The following RFXANK variants were observed in gnomAD, a reference collection of about 807,000 sequenced individuals.
RFXANK encodes DNA-binding protein RFXANK.
A neutral mutation model predicts 34.5 loss-of-function variants in RFXANK; 19 were observed. That is an observed-to-expected ratio of 0.55 (90% CI 0.38 to 0.81). The LOEUF is 0.81. Ranked by LOEUF, RFXANK falls within the 30% of genes least tolerant of loss-of-function variation. The probability of loss-of-function intolerance (pLI) is 0.00; values close to 1 mark genes in which losing one functional copy is unlikely to be tolerated. For missense variants in RFXANK, 295 were observed against 343.5 expected (o/e 0.86, Z 1.12); for synonymous variants, 154 against 149.8 (o/e 1.03, Z -0.20).
At chr19:19,201,434 T>C in intron 9 of RFXANK, 1 of 1,495,960 alleles carries the variant, frequency 6.7e-7, no homozygotes, top group Non-Finnish European at 9.0e-7. Context: ...AATATTTTTA[T>C]ATTAATTCTG....
At chr19:19,201,461 C>T (rs1377523143) in intron 9 of RFXANK, 188 bp from the exon 10 acceptor site, 3 of 1,555,562 alleles carry the variant, frequency 1.9e-6, no homozygotes, top group Non-Finnish European at 2.6e-6. Context: ...TACAAAAGTG[C>T]ATTTTTACAA....
chr19:19,198,832 A>C, intron 8 of RFXANK, 109 bp downstream of exon 8: 1 of 1,122,838 alleles, frequency 8.9e-7, no homozygotes, highest in Non-Finnish European at 1.3e-6. Flanking sequence ...TTCTTGGAGC[A>C]GGTAGTCCCT....
chr19:19,198,620 G>T, intron 7 of RFXANK, 37 bp from the exon 8 acceptor site: 1 of 1,609,058 alleles, frequency 6.2e-7, no homozygotes, highest in Non-Finnish European at 8.5e-7. Flanking sequence ...TGAGGAAGAG[G>T]TAAACCTTTG....
rs751772583 is a variant in RFXANK at position 19,193,997 on chromosome 19, T to A, written c.51T>A (p.Pro17=). 2 of 1,614,104 alleles carry A rather than the reference T, an allele frequency of 1.2e-6. No individual in the cohort carries two copies. The highest frequency in any genetic ancestry group is 3.3e-5 in the Admixed American group (2 of 60,002). ...AEDLIQTQQT[P]ASELGDPEDP... Reference sequence around the variant, plus strand: ...ACCTCATCCAGACCCAGCAGACCCCTGCCTCAGAACTTGGGGACCCTGAAG... The same window carrying A: ...ACCTCATCCAGACCCAGCAGACCCCAGCCTCAGAACTTGGGGACCCTGAAG... The change falls in exon 3 of 10, where the codon CCT becomes CCA. Residue 17 remains proline (P), a synonymous_variant. Coordinates refer to ENST00000303088, the MANE Select transcript of RFXANK (RefSeq NM_003721.4).
At chr19:19,193,591 T>C (rs2060537158) in intron 2 of RFXANK, among the ~76,000 whole-genome samples, 1 of 152,066 alleles carries the variant, frequency 6.6e-6, no homozygotes, top group Non-Finnish European at 1.5e-5. Flanking sequence ...AATTTTTGTA[T>C]TTTTAGTACA....
chr19:19,195,737 A>ATTTTTT (rs61553021), intron 3 of RFXANK, among the ~76,000 whole-genome samples: 12 of 105,666 alleles, frequency 1.1e-4, no homozygotes, highest in Admixed American at 4.4e-4. Context: ...CTGCTTTTAA[A>ATTTTTT]TTTTTTTTTT....
chr19:19,196,833 C>T (rs2060607121), intron 3 of RFXANK, 130 bp from the exon 4 acceptor site: 1 of 877,762 alleles, frequency 1.1e-6, no homozygotes, highest in Non-Finnish European at 1.9e-6. Context: ...CCACTGTACT[C>T]CAGCCTGGGG....
At chr19:19,197,371 G>A (rs1226244252) in intron 5 of RFXANK, 120 bp downstream of exon 5, 7 of 1,224,124 alleles carry the variant, frequency 5.7e-6, no homozygotes, top group South Asian at 1.3e-5. Context: ...ATCTAACTGT[G>A]TGTGTGACCG....
chr19:19,201,062 G>C (rs931844517), intron 9 of RFXANK, among the ~76,000 whole-genome samples: 3 of 151,930 alleles, frequency 2.0e-5, no homozygotes, highest in Admixed American at 1.3e-4. Flanking sequence ...GCTTCCCAAA[G>C]TGCTGGGATT....
At chr19:19,201,409 T>C (rs1312895704) in intron 9 of RFXANK, 22 of 1,407,862 alleles carry the variant, frequency 1.6e-5, no homozygotes, top group Non-Finnish European at 1.9e-5. Flanking sequence ...AATTCACACA[T>C]TTTGCTTGGT....
At chr19:19,199,124 C>T (rs766040090) in intron 8 of RFXANK, 30 bp from the exon 9 acceptor site, 1 of 1,607,470 alleles carries the variant, frequency 6.2e-7, no homozygotes, top group Non-Finnish European at 8.5e-7. Flanking sequence ...CCAGGCCCCA[C>T]CCTCCAGCGC....
At chr19:19,194,629 T>G (rs2060565714) in intron 3 of RFXANK, among the ~76,000 whole-genome samples, 1 of 151,866 alleles carries the variant, frequency 6.6e-6, no homozygotes, top group East Asian at 1.9e-4. Context: ...CTTCCTGGGC[T>G]GAAGCCATCA....
chr19:19,194,605 C>G (rs879944434), intron 3 of RFXANK, among the ~76,000 whole-genome samples: 8 of 151,834 alleles, frequency 5.3e-5, no homozygotes, highest in Non-Finnish European at 1.2e-4. Flanking sequence ...AATCATAGTT[C>G]ACTGCAGCCT....
In RFXANK at chr19:19,201,812, C is replaced by G. The variant is rs2060724626; in HGVS notation, c.*93C>G. 1.2e-6 allele frequency: 2 copies of G among 1,612,366 alleles called. No homozygotes were observed. The highest frequency in any genetic ancestry group is 3.3e-5 in the Admixed American group (2 of 59,792). ...ACTGACTTCAAAGGCAGCTTCTGGACAGGTGGTGGGAGGGGACCCTTCCCA... is the reference window on the plus strand; with the variant it reads ...ACTGACTTCAAAGGCAGCTTCTGGAGAGGTGGTGGGAGGGGACCCTTCCCA... On this transcript the variant is annotated 3_prime_UTR_variant, in exon 10 of 10. Transcript: ENST00000303088.
In RFXANK at chr19:19,199,248, A is replaced by G; in HGVS notation, c.712+14A>G. Reference sequence around the variant, plus strand: ...GATACCGGAAAGGTCAGCCTGAGACACACAGAGCAGGGGTGGGGTCCCTTC... The same window carrying G: ...GATACCGGAAAGGTCAGCCTGAGACGCACAGAGCAGGGGTGGGGTCCCTTC... On this transcript the variant is annotated intron_variant, in intron 9 of 9. Transcript: ENST00000303088. The G allele has an allele frequency of 6.2e-7, 1 of 1,613,694 alleles. No homozygotes were observed. Among genetic ancestry groups the G allele is most frequent in the East Asian group, 2.2e-5 (1 of 44,876 alleles).
chr19:19,199,736 G>C (rs890615322), intron 9 of RFXANK, among the ~76,000 whole-genome samples: 3 of 152,130 alleles, frequency 2.0e-5, no homozygotes, highest in African/African-American at 7.2e-5. Flanking sequence ...ATAGTGCACA[G>C]AGCCACAGAG....
rs899270761 is a variant in RFXANK at position 19,192,341 on chromosome 19, C to T, written c.-363C>T. On this transcript the variant is annotated 5_prime_UTR_variant, in exon 1 of 10. Coordinates refer to ENST00000303088, the MANE Select transcript of RFXANK (RefSeq NM_003721.4). ...GCGCAGTGAGGAGGGGGCGCGACGG[C>T]CAGGAGGCTGGTGGAGCGACACCCA... 4 of 600,880 alleles carry T rather than the reference C, an allele frequency of 6.7e-6. No homozygotes were observed. Among genetic ancestry groups the T allele is most frequent in the Non-Finnish European group, 8.8e-6 (3 of 342,316 alleles). The allele number at this position is 600,880 out of a possible 1,614,324, so 37.2% of individuals were successfully genotyped here.
intron 6 of RFXANK, 109 bp downstream of exon 6, chr19:19,197,730 T>C: frequency 1.0e-6 from 1 of 986,506 alleles, no homozygotes. Flanking sequence ...GGCTGCTGGC[T>C]GGGTGCAGTG....
chr19:19,193,519 A>G (rs1056896123), intron 2 of RFXANK, among the ~76,000 whole-genome samples: 2 of 150,486 alleles, frequency 1.3e-5, no homozygotes, highest in African/African-American at 2.5e-5. Flanking sequence ...CCCGAGTTCA[A>G]GCAATTCTGC....
Sources: gnomAD v4.1 joint callset for allele counts (sites outside exome capture counted in the v4.1 genomes callset) on GRCh38, gnomAD v4.1.1 for gene constraint, MANE v1.5 for transcripts, NCBI Gene and HGNC (gene_info 2026-07-23, HGNC 2026-07-21) for gene names.